Variants in NAV3 observed in about 807,000 individuals in gnomAD.
NAV3 encodes the protein pore membrane and/or filament interacting like protein 1.
A neutral mutation model predicts 244.7 loss-of-function variants in NAV3; 87 were observed. That is an observed-to-expected ratio of 0.36 (90% CI 0.30 to 0.42). NAV3 has a LOEUF of 0.42. NAV3 is among the 20% of genes least tolerant of loss of function. The pLI is 1.00. For missense variants in NAV3, 2,663 were observed against 2,893.3 expected, an observed-to-expected ratio of 0.92 and a Z score of 1.83; for synonymous variants, 1,126 against 1,042.2, an observed-to-expected ratio of 1.08 and a Z score of -1.55.
intron 1 of NAV3, among the ~76,000 whole-genome samples, chr12:77,880,818 G>A (rs1677913): frequency 0.14 from 20,541 of 152,138 alleles, 1,494 homozygotes; most frequent in East Asian, 0.22. Flanking sequence ...GAGCCTCGGT[G>A]TGTAGTGGGC....
In NAV3 at chr12:78,194,351, T is replaced by A. The variant is rs1004024050; in HGVS notation, c.6292-2896T>A. On this transcript the variant is annotated intron_variant, in intron 34 of 39. Coordinates refer to ENST00000397909, the MANE Select transcript of NAV3 (RefSeq NM_001024383.2). ...ATTTCTACAATTATTTTTTAACTAC[T>A]TGATACACGATTTCCTTTAAATTTC... Among the ~76,000 whole-genome samples the A allele has an allele frequency of 8.5e-5, 13 of 152,240 alleles. No individual in the cohort carries two copies. In the East Asian group the frequency reaches 2.5e-3, roughly 29 times the overall value.
intron 2 of NAV3, among the ~76,000 whole-genome samples, chr12:77,691,329 G>GTGTATATATATATATATA (rs1555195177): frequency 1.0e-4 from 7 of 66,690 alleles, no homozygotes; most frequent in Admixed American, 1.9e-4. Flanking sequence ...AAGTATTTGT[G>GTGTATATATATATATATA]TATGTGTGTA....
In NAV3 at chr12:78,148,903, C is replaced by T. The variant is rs1956966933; in HGVS notation, c.4769C>T (p.Ser1590Phe). The change falls in exon 22 of 40, where the codon TCT (serine) becomes TTT (phenylalanine). Residue 1590 changes from serine to phenylalanine, a missense_variant. Ser to Phe is a radical substitution (Grantham distance 155). This residue lies in a region of NAV3 where 48 missense variants were observed against 90.0 expected (regional missense o/e 0.53). Coordinates refer to ENST00000397909, the MANE Select transcript of NAV3 (RefSeq NM_001024383.2). ...ASQEKVATLT[S>F]QLSANAHLVA... ...CAAGAAAAAGTTGCTACCCTCACAT[C>T]TCAGCTTTCAGCAAATGTAAGTCAC... 4 of 1,612,322 alleles carry T rather than the reference C, an allele frequency of 2.5e-6. No homozygotes were observed. The African/African-American group carries it at 5.3e-5, about 22-fold the overall frequency.
At chr12:77,709,080 A>C (rs1875977351) in intron 2 of NAV3, among the ~76,000 whole-genome samples, 1 of 152,196 alleles carries the variant, frequency 6.6e-6, no homozygotes, top group Admixed American at 6.5e-5. Context: ...TGCCCTGGCC[A>C]GAACATCAAA....
At chr12:77,639,549 G>A (rs1052363283) in intron 2 of NAV3, among the ~76,000 whole-genome samples, 3 of 152,154 alleles carry the variant, frequency 2.0e-5, no homozygotes, top group Admixed American at 1.3e-4. Flanking sequence ...TCCCATGTTA[G>A]AACAGTGGTT....
intron 12 of NAV3, among the ~76,000 whole-genome samples, chr12:78,114,731 G>A (rs1461193518): frequency 6.6e-6 from 1 of 152,154 alleles, no homozygotes; most frequent in South Asian, 2.1e-4. Flanking sequence ...GTCATGATAT[G>A]AGAAATTATC....
intron 2 of NAV3, among the ~76,000 whole-genome samples, chr12:77,748,350 A>G (rs1868664090): frequency 6.6e-6 from 1 of 152,242 alleles, no homozygotes; most frequent in South Asian, 2.1e-4. Context: ...TGTCAAATCC[A>G]AGATTTACAT....
intron 2 of NAV3, among the ~76,000 whole-genome samples, chr12:77,700,391 G>A (rs1875507434): frequency 6.6e-6 from 1 of 152,062 alleles, no homozygotes; most frequent in African/African-American, 2.4e-5. Flanking sequence ...TTGATAGAGA[G>A]AAAATAAATT....
At chr12:77,618,538 T>A (rs1871233038) in intron 2 of NAV3, among the ~76,000 whole-genome samples, 1 of 152,186 alleles carries the variant, frequency 6.6e-6, no homozygotes, top group South Asian at 2.1e-4. Flanking sequence ...ATAAATGAGA[T>A]ATGTGGAAAG....
intron 12 of NAV3, among the ~76,000 whole-genome samples, chr12:78,071,137 C>T (rs2137625149): frequency 6.6e-6 from 1 of 152,218 alleles, no homozygotes; most frequent in East Asian, 1.9e-4. Flanking sequence ...CACTGACTTC[C>T]ACAATGGTTG....
chr12:77,837,227 T>C (rs1874804656), intron 1 of NAV3, among the ~76,000 whole-genome samples: 1 of 151,054 alleles, frequency 6.6e-6, no homozygotes, highest in Admixed American at 6.6e-5. Context: ...ATGTAAACTT[T>C]TAAAGTTTAA....
At chr12:77,624,302 A>G (rs1004645998) in intron 2 of NAV3, among the ~76,000 whole-genome samples, 1 of 152,192 alleles carries the variant, frequency 6.6e-6, no homozygotes, top group Non-Finnish European at 1.5e-5. Context: ...GAGAAACAGT[A>G]GGGGATGAGA....
intron 9 of NAV3, among the ~76,000 whole-genome samples, chr12:78,023,787 T>A (rs2136850449): frequency 6.6e-6 from 1 of 152,316 alleles, no homozygotes; most frequent in South Asian, 2.1e-4. Context: ...CATATCTTCA[T>A]CATTTTAAGA....
intron 12 of NAV3, among the ~76,000 whole-genome samples, chr12:78,091,971 C>T (rs964667803): frequency 2.6e-5 from 4 of 152,008 alleles, no homozygotes; most frequent in Non-Finnish European, 5.9e-5. Flanking sequence ...ATGGAAAGAA[C>T]GAAAATGGTA....
chr12:78,180,149 A>G (rs770930054), intron 29 of NAV3, among the ~76,000 whole-genome samples: 3 of 152,162 alleles, frequency 2.0e-5, no homozygotes, highest in African/African-American at 4.8e-5. Flanking sequence ...TTAGAATGCC[A>G]TCTGTAAAAG....
upstream of NAV3, among the ~76,000 whole-genome samples, chr12:77,826,500 C>A (rs943090879): frequency 1.3e-5 from 2 of 152,010 alleles, no homozygotes; most frequent in African/African-American, 2.4e-5. Flanking sequence ...CCCCTCCCCC[C>A]AAAAAATTAT....
At chr12:77,655,592 G>A (rs974599217) in intron 2 of NAV3, among the ~76,000 whole-genome samples, 13 of 152,122 alleles carry the variant, frequency 8.5e-5, no homozygotes, top group African/African-American at 2.7e-4. Flanking sequence ...TTCAGATTCA[G>A]GAAATACAGA....
intron 2 of NAV3, among the ~76,000 whole-genome samples, chr12:77,642,716 A>G (rs1872466076): frequency 6.6e-6 from 1 of 152,124 alleles, no homozygotes; most frequent in African/African-American, 2.4e-5. Flanking sequence ...ATGACTAAAG[A>G]TGCAGTTGAC....
intron 2 of NAV3, among the ~76,000 whole-genome samples, chr12:77,771,337 A>G (rs1262589085): frequency 1.3e-5 from 2 of 152,224 alleles, no homozygotes; most frequent in African/African-American, 4.8e-5. Flanking sequence ...TAGTTCAACC[A>G]TTGTGGAAGT....
Sources: gnomAD v4.1 joint callset for allele counts (sites outside exome capture counted in the v4.1 genomes callset) on GRCh38, gnomAD v4.1.1 for gene constraint, gnomAD v4.1.1 regional missense constraint, MANE v1.5 for transcripts, NCBI Gene and HGNC (gene_info 2026-07-23, HGNC 2026-07-21) for gene names.